The following WNT9B variants were observed in gnomAD, a reference collection of about 807,000 sequenced individuals.
WNT9B encodes the protein protein Wnt-9b.
WNT9B carries 12 observed loss-of-function variants against 30.2 expected under a neutral mutation model. The ratio of observed to expected loss-of-function variants is 0.40; its 90% CI spans 0.26 to 0.64. The LOEUF (loss-of-function observed/expected upper bound fraction) is 0.64. WNT9B is among the 30% of genes least tolerant of loss of function. The probability of loss-of-function intolerance (pLI) is 0.42; values close to 1 mark genes in which losing one functional copy is unlikely to be tolerated. For synonymous variants in WNT9B, 218 were observed against 216.9 expected (o/e 1.01, Z -0.05); for missense variants, 442 against 485.2 (o/e 0.91, Z 0.84).
intron 1 of WNT9B, among the ~76,000 whole-genome samples, chr17:46,837,004 G>A (rs932407539): frequency 6.6e-6 from 1 of 151,952 alleles, no homozygotes; most frequent in Admixed American, 6.6e-5. Flanking sequence ...GTGCAGTGGC[G>A]TGATCTCGGC....
At chr17:46,845,053 T>C (rs1262164733) in intron 1 of WNT9B, among the ~76,000 whole-genome samples, 1 of 152,222 alleles carries the variant, frequency 6.6e-6, no homozygotes, top group Non-Finnish European at 1.5e-5. Context: ...TTCACCATGT[T>C]GACCAGTCTG....
chr17:46,834,445 C>T (rs777472086), intron 1 of WNT9B, among the ~76,000 whole-genome samples: 1 of 152,110 alleles, frequency 6.6e-6, no homozygotes, highest in African/African-American at 2.4e-5. Context: ...CACTAGGGCA[C>T]CTGGCAAGTT....
intron 1 of WNT9B, among the ~76,000 whole-genome samples, chr17:46,870,137 C>T (rs748880210): frequency 6.6e-6 from 1 of 152,164 alleles, no homozygotes; most frequent in Non-Finnish European, 1.5e-5. Flanking sequence ...CCAAAATTTC[C>T]ATCACTCCCT....
chr17:46,833,418 A>T, exon 1 of WNT9B: 1 of 517,450 alleles, frequency 1.9e-6, no homozygotes, highest in Non-Finnish European at 3.9e-6. Context: ...GAGCCTTACC[A>T]GCCCTCTAAG....
At chr17:46,862,774 G>A (rs1425021892) in intron 1 of WNT9B, among the ~76,000 whole-genome samples, 1 of 152,168 alleles carries the variant, frequency 6.6e-6, no homozygotes, top group Non-Finnish European at 1.5e-5. Flanking sequence ...AGTAGAGATG[G>A]GGTTTTACCA....
chr17:46,862,451 C>A (rs1464137183), intron 1 of WNT9B, among the ~76,000 whole-genome samples: 1 of 152,026 alleles, frequency 6.6e-6, no homozygotes, highest in South Asian at 2.1e-4. Context: ...GAGTTCACCA[C>A]AATTGTTAAA....
downstream of WNT9B, among the ~76,000 whole-genome samples, chr17:46,883,185 C>T (rs9900748): frequency 0.44 from 66,890 of 151,336 alleles, 16,593 homozygotes; most frequent in African/African-American, 0.69. Context: ...GGTTTCACCA[C>T]GTTAGCCAGG....
At chr17:46,852,389 A>AGT (rs61138160) in intron 1 of WNT9B, among the ~76,000 whole-genome samples, 7,059 of 105,244 alleles carry the variant, frequency 0.067, 294 homozygotes, top group Middle Eastern at 0.15. Context: ...GAGAGGGCCC[A>AGT]GTGTGTGTGT....
Position 46,875,149 on chromosome 17 carries a change from C to T in WNT9B, c.383C>T (p.Thr128Ile). The change falls in exon 3 of 4, where the codon ACC (threonine) becomes ATC (isoleucine). Residue 128 changes from threonine to isoleucine, a missense_variant. Physicochemically the swap from Thr to Ile is moderately conservative, Grantham distance 89 (BLOSUM62 -1). Coordinates refer to ENST00000290015, the MANE Select transcript of WNT9B (RefSeq NM_003396.3). ...TACGCGGTGTCCTCTGCCGCCCTCA[C>T]CCACACCCTGGCCCGGGCCTGCAGC... ...FLYAVSSAAL[T>I]HTLARACSAG... 1 of 1,614,008 alleles carries T rather than the reference C, an allele frequency of 6.2e-7. No homozygotes were observed.
upstream of WNT9B, among the ~76,000 whole-genome samples, chr17:46,850,513 C>A (rs968615221): frequency 1.3e-5 from 2 of 152,214 alleles, no homozygotes; most frequent in African/African-American, 4.8e-5. Context: ...GTCGCAGTCA[C>A]TTGATGTTCC....
chr17:46,872,340 A>G (rs1216746759), intron 1 of WNT9B, among the ~76,000 whole-genome samples, 177 bp from the exon 2 acceptor site: 1 of 152,206 alleles, frequency 6.6e-6, no homozygotes, highest in Non-Finnish European at 1.5e-5. Flanking sequence ...TCCTGCAGCA[A>G]CCTTTGTTAC....
intron 1 of WNT9B, among the ~76,000 whole-genome samples, chr17:46,867,398 G>A (rs2085157069): frequency 6.6e-6 from 1 of 152,252 alleles, no homozygotes. Flanking sequence ...CCTCTCATGA[G>A]TTAAGGTGTA....
At chr17:46,868,232 A>G (rs961381949) in intron 1 of WNT9B, among the ~76,000 whole-genome samples, 1 of 152,136 alleles carries the variant, frequency 6.6e-6, no homozygotes, top group African/African-American at 2.4e-5. Flanking sequence ...TTAGTTCAGA[A>G]CCCTGGTTAC....
chr17:46,851,743 C>T lies in WNT9B; in HGVS notation c.77+28C>T. The T allele has an allele frequency of 8.3e-7, 1 of 1,202,114 alleles. No individual in the cohort carries two copies. The highest frequency in any genetic ancestry group is 3.1e-5 in the South Asian group (1 of 31,876). 74.5% of individuals were successfully genotyped at this position (1,202,114 alleles called of 1,614,324 possible). A position where few individuals can be genotyped will look rare whatever the true frequency, so the allele number is the denominator to read the frequency against. On this transcript the variant is annotated intron_variant, in intron 1 of 3. Transcript: ENST00000290015. The surrounding 1 kb of genome is among the most constrained non-coding windows in gnomAD (Gnocchi z 4.3). ...CAGTGCCCGCCGCGCCCCCCGCCCG[C>T]TCCCCGGCCTGCCTGTCTCTCCCTC... is the stretch of plus-strand genomic sequence containing the variant.
intron 1 of WNT9B, among the ~76,000 whole-genome samples, chr17:46,852,031 C>T (rs2084857122): frequency 6.6e-6 from 1 of 152,256 alleles, no homozygotes; most frequent in Non-Finnish European, 1.5e-5. Context: ...CCGCCCCGGC[C>T]CCGCCCGTTC....
downstream of WNT9B, chr17:46,885,334 G>T (rs1179057976): frequency 1.8e-5 from 4 of 218,178 alleles, no homozygotes; most frequent in African/African-American, 5.2e-5. Context: ...ACAGAGTCTC[G>T]CTCTGTCACC....
intron 1 of WNT9B, among the ~76,000 whole-genome samples, chr17:46,860,308 T>A (rs760378948): frequency 6.6e-6 from 1 of 152,082 alleles, no homozygotes; most frequent in Non-Finnish European, 1.5e-5. Flanking sequence ...TCCTGGTGCC[T>A]TTGGGATTAT....
In WNT9B at chr17:46,876,470, C is replaced by G; in HGVS notation, c.826C>G (p.Pro276Ala). Residue 276 changes from proline (P) to alanine (A), a missense_variant, in exon 4 of 4, where the codon CCA (proline) becomes GCA (alanine). Physicochemically the swap from Pro to Ala is conservative, Grantham distance 27 (BLOSUM62 -1). Coordinates refer to ENST00000290015, the MANE Select transcript of WNT9B (RefSeq NM_003396.3). ...RQGSLTKGLAPRSGDLVYMED... is the reference protein window; with the variant it reads ...RQGSLTKGLAARSGDLVYMED... ...GGGCAGCCTCACCAAAGGCCTGGCC[C>G]CAAGGTCTGGGGACCTGGTGTACAT... 1.9e-6 allele frequency: 3 copies of G among 1,613,670 alleles called. No individual in the cohort carries two copies. The highest frequency in any genetic ancestry group is 2.5e-6 in the Non-Finnish European group (3 of 1,180,026).
Position 46,857,630 on chromosome 17 carries a change from G to A in WNT9B, c.77+5915G>A, listed in dbSNP as rs183435033. ...CTAGGAGTGGATTGTTGGATCAGAT[G>A]GTTGATATATGCATAACTTATAGAA... On this transcript the variant is annotated intron_variant, in intron 1 of 3. Coordinates refer to ENST00000290015, the MANE Select transcript of WNT9B (RefSeq NM_003396.3). Among the ~76,000 whole-genome samples the A allele has an allele frequency of 2.6e-5, 4 of 152,242 alleles. No individual in the cohort carries two copies. In the East Asian group the frequency reaches 7.7e-4, roughly 29 times the overall value.
Sources: gnomAD v4.1 joint callset for allele counts (sites outside exome capture counted in the v4.1 genomes callset) on GRCh38, gnomAD v4.1.1 for gene constraint, Gnocchi (gnomAD v3.1) non-coding constraint, MANE v1.5 for transcripts, NCBI Gene and HGNC (gene_info 2026-07-23, HGNC 2026-07-21) for gene names.